The following PPP2R2B variants were observed in gnomAD, a reference collection of about 807,000 sequenced individuals.
PPP2R2B encodes the protein protein phosphatase 2 regulatory subunit Bbeta.
Under a neutral mutation model 46.0 loss-of-function variants are expected in PPP2R2B, and 5 were observed. The observed-to-expected ratio is 0.11, with a 90% CI of 0.06 to 0.23. The LOEUF (loss-of-function observed/expected upper bound fraction) is 0.23, where lower values mean the gene tolerates loss of function less well. Ranked by LOEUF, PPP2R2B falls within the 10% of genes least tolerant of loss-of-function variation. The pLI, the probability that PPP2R2B is intolerant of heterozygous loss-of-function variation, is 1.00. For missense variants in PPP2R2B, 367 were observed against 575.0 expected (o/e 0.64, Z 3.70); for synonymous variants, 215 against 206.7 (o/e 1.04, Z -0.34).
chr5:146,885,864 C>T (rs183717769), intron 1 of PPP2R2B, among the ~76,000 whole-genome samples: 6 of 152,114 alleles, frequency 3.9e-5, no homozygotes, highest in African/African-American at 9.6e-5. Context: ...ATGAAAGACA[C>T]CAGACACAAA....
Position 146,581,527 on chromosome 5 carries a change from A to G in PPP2R2B, c.*8420T>C, listed in dbSNP as rs529383202. On this transcript the variant is annotated 3_prime_UTR_variant, in exon 10 of 10. Transcript: ENST00000394411. ...CAGATCCAAATCATGTCAATATATAATTAACCTTTCTGCCTTTTCAAAAAT... is the reference window on the plus strand; with the variant it reads ...CAGATCCAAATCATGTCAATATATAGTTAACCTTTCTGCCTTTTCAAAAAT... 1.4e-4 allele frequency: 21 copies of G among 152,324 alleles called. No individual in the cohort carries two copies. Among genetic ancestry groups the G allele is most frequent in the Admixed American group, 1.2e-3 (18 of 15,302 alleles). The allele number at this position is 152,324 out of a possible 1,614,324, so 9.4% of individuals were successfully genotyped here.
intron 1 of PPP2R2B, among the ~76,000 whole-genome samples, chr5:147,008,141 A>T (rs1754535414): frequency 6.6e-6 from 1 of 152,204 alleles, no homozygotes; most frequent in Admixed American, 6.5e-5. Context: ...AAATATTTGT[A>T]TAAAGAGGAA....
chr5:146,828,595 C>T (rs1315872209), intron 2 of PPP2R2B, among the ~76,000 whole-genome samples: 2 of 152,136 alleles, frequency 1.3e-5, no homozygotes, highest in East Asian at 3.9e-4. Flanking sequence ...AGCTAAGAGG[C>T]CCAAGGCTGT....
intron 2 of PPP2R2B, among the ~76,000 whole-genome samples, chr5:146,711,825 T>C (rs1234834363): frequency 6.6e-6 from 1 of 152,150 alleles, no homozygotes; most frequent in African/African-American, 2.4e-5. Flanking sequence ...AGTACAATGT[T>C]GGGGAAAGGT....
intron 1 of PPP2R2B, among the ~76,000 whole-genome samples, chr5:147,050,232 A>G (rs949319383): frequency 2.0e-5 from 3 of 152,350 alleles, no homozygotes; most frequent in Middle Eastern, 3.4e-3. Context: ...AATTCTCACA[A>G]TAACTCCTTG....
chr5:146,673,890 T>C lies in PPP2R2B; in HGVS notation c.447+17238A>G, dbSNP rs143318443. Among the ~76,000 whole-genome samples, 27 of 152,316 alleles carry C rather than the reference T, an allele frequency of 1.8e-4. No individual in the cohort carries two copies. In the East Asian group the frequency reaches 4.0e-3, roughly 23 times the overall value. On this transcript the variant is annotated intron_variant, in intron 5 of 9. Coordinates refer to ENST00000394411, the MANE Select transcript of PPP2R2B (RefSeq NM_181675.4). ...TTTTCATCATCATCTTATCTGCACTTGCAGTTTCCCATTCTCAGGGGAATT... is the reference window on the plus strand; with the variant it reads ...TTTTCATCATCATCTTATCTGCACTCGCAGTTTCCCATTCTCAGGGGAATT...
intron 1 of PPP2R2B, among the ~76,000 whole-genome samples, chr5:146,977,298 A>C (rs1752955426): frequency 6.6e-6 from 1 of 152,122 alleles, no homozygotes; most frequent in Non-Finnish European, 1.5e-5. Context: ...GGGCAAGCAT[A>C]GTTCACTGCA....
At chr5:146,963,864 CA>C (rs781012973) in intron 1 of PPP2R2B, among the ~76,000 whole-genome samples, 2 of 152,184 alleles carry the variant, frequency 1.3e-5, no homozygotes, top group African/African-American at 4.8e-5. Flanking sequence ...GCTAATTTCT[CA>C]AATATTGTAT....
At chr5:146,669,386 G>A (rs1297433044) in intron 5 of PPP2R2B, among the ~76,000 whole-genome samples, 4 of 152,036 alleles carry the variant, frequency 2.6e-5, no homozygotes, top group East Asian at 1.9e-4. Context: ...TCTGAGCATC[G>A]TGGGATGTTG....
intron 2 of PPP2R2B, among the ~76,000 whole-genome samples, chr5:146,735,224 G>C (rs1031945764): frequency 6.6e-6 from 1 of 152,136 alleles, no homozygotes; most frequent in Non-Finnish European, 1.5e-5. Context: ...AATGAAGCAG[G>C]ATTTAGATCA....
chr5:146,860,186 T>C (rs1760901393), intron 2 of PPP2R2B, among the ~76,000 whole-genome samples: 2 of 152,182 alleles, frequency 1.3e-5, no homozygotes, highest in South Asian at 4.1e-4. Flanking sequence ...GTTTTACAGG[T>C]CCACACAAAC....
intron 1 of PPP2R2B, among the ~76,000 whole-genome samples, chr5:147,032,088 C>G (rs1755811392): frequency 6.6e-6 from 1 of 152,136 alleles, no homozygotes; most frequent in Non-Finnish European, 1.5e-5. Flanking sequence ...GCAAAAGGAA[C>G]AGTCAGCAGA....
intron 2 of PPP2R2B, among the ~76,000 whole-genome samples, chr5:146,725,232 C>T (rs1211041262): frequency 1.3e-5 from 2 of 152,138 alleles, no homozygotes; most frequent in Non-Finnish European, 2.9e-5. Context: ...GTATTTTGCT[C>T]TTTCTGGAGT....
intron 1 of PPP2R2B, among the ~76,000 whole-genome samples, chr5:146,998,430 G>T (rs1311738121): frequency 6.6e-6 from 1 of 152,178 alleles, no homozygotes; most frequent in Non-Finnish European, 1.5e-5. Flanking sequence ...CAGGAAGTGG[G>T]AGTGACTCAG....
At chr5:146,871,980 C>A (rs1761640219) in intron 2 of PPP2R2B, among the ~76,000 whole-genome samples, 1 of 152,152 alleles carries the variant, frequency 6.6e-6, no homozygotes, top group Admixed American at 6.5e-5. Flanking sequence ...ATAGACAGTA[C>A]TCGCGATACC....
intron 2 of PPP2R2B, among the ~76,000 whole-genome samples, chr5:147,064,699 G>T (rs981715190): frequency 6.6e-6 from 1 of 152,148 alleles, no homozygotes; most frequent in East Asian, 1.9e-4. Context: ...AACAATATTT[G>T]TAAATGTGTT....
intron 2 of PPP2R2B, among the ~76,000 whole-genome samples, chr5:146,822,282 T>C (rs932668519): frequency 6.6e-6 from 1 of 152,204 alleles, no homozygotes; most frequent in Non-Finnish European, 1.5e-5. Flanking sequence ...CATCATTTTC[T>C]TGCTTCTAAG....
intron 1 of PPP2R2B, among the ~76,000 whole-genome samples, chr5:146,913,766 A>G (rs1317101243): frequency 6.6e-6 from 1 of 152,232 alleles, no homozygotes; most frequent in Non-Finnish European, 1.5e-5. Context: ...AACTTTAAGG[A>G]CTAAAAGCTA....
At chr5:146,838,308 A>C (rs1378002369) in intron 2 of PPP2R2B, among the ~76,000 whole-genome samples, 1 of 151,984 alleles carries the variant, frequency 6.6e-6, no homozygotes, top group Non-Finnish European at 1.5e-5. Context: ...GGCCGGGCTC[A>C]CACCTGTAAT....
Sources: gnomAD v4.1 joint callset for allele counts (sites outside exome capture counted in the v4.1 genomes callset) on GRCh38, gnomAD v4.1.1 for gene constraint, MANE v1.5 for transcripts, NCBI Gene and HGNC (gene_info 2026-07-23, HGNC 2026-07-21) for gene names.